The following ITGBL1 variants were observed in gnomAD, a reference collection of about 807,000 sequenced individuals.
The protein encoded by ITGBL1 is integrin beta-like protein 1.
In ITGBL1, 51 loss-of-function variants were observed where a neutral mutation model predicts 68.5. That is an observed-to-expected ratio of 0.74 (90% CI 0.59 to 0.94). The LOEUF (loss-of-function observed/expected upper bound fraction) is 0.94. ITGBL1 is among the 40% of genes least tolerant of loss of function. The pLI is 0.00. For synonymous variants in ITGBL1, 209 were observed against 227.3 expected (o/e 0.92, Z 0.72); for missense variants, 649 against 647.4 (o/e 1.00, Z -0.03).
intron 2 of ITGBL1, among the ~76,000 whole-genome samples, chr13:101,529,952 G>A (rs867659647): frequency 6.6e-6 from 1 of 152,044 alleles, no homozygotes; most frequent in South Asian, 2.1e-4. Context: ...AATAACTTGT[G>A]AGCCCACAAT....
chr13:101,459,358 C>T (rs892291721), intron 2 of ITGBL1, among the ~76,000 whole-genome samples: 1 of 152,152 alleles, frequency 6.6e-6, no homozygotes, highest in African/African-American at 2.4e-5. Flanking sequence ...ACCTTCTATT[C>T]TGTGTGACAT....
intron 9 of ITGBL1, 162 bp from the exon 10 acceptor site, chr13:101,714,276 C>T: frequency 1.6e-6 from 1 of 612,418 alleles, no homozygotes; most frequent in African/African-American, 1.8e-5. Flanking sequence ...TTATGAATTA[C>T]AGTAAGTAAA....
intron 8 of ITGBL1, among the ~76,000 whole-genome samples, chr13:101,704,075 C>T (rs879600829): frequency 1.4e-5 from 2 of 147,092 alleles, no homozygotes; most frequent in Non-Finnish European, 3.0e-5. Context: ...TAAATCTATA[C>T]TGAATAAATG....
chr13:101,607,462 T>TTATAATGTACATTATATA (rs1276505858), intron 7 of ITGBL1, among the ~76,000 whole-genome samples: 3 of 152,030 alleles, frequency 2.0e-5, no homozygotes, highest in African/African-American at 7.2e-5. Flanking sequence ...ATTATATAGT[T>TTATAATGTACATTATATA]GTAGCAAAAT....
At chr13:101,684,490 C>G (rs1329010868) in intron 7 of ITGBL1, among the ~76,000 whole-genome samples, 3 of 151,922 alleles carry the variant, frequency 2.0e-5, no homozygotes, top group Non-Finnish European at 4.4e-5. Flanking sequence ...TATTTCTTCA[C>G]ATTTAAATCT....
At chr13:101,526,740 C>T (rs1329998961) in intron 2 of ITGBL1, among the ~76,000 whole-genome samples, 1 of 144,766 alleles carries the variant, frequency 6.9e-6, no homozygotes, top group Non-Finnish European at 1.5e-5. Context: ...CACTAGTTAG[C>T]ATTTTTCTAT....
At chr13:101,682,123 A>G (rs2033657685) in intron 7 of ITGBL1, among the ~76,000 whole-genome samples, 1 of 152,144 alleles carries the variant, frequency 6.6e-6, no homozygotes, top group Admixed American at 6.6e-5. Flanking sequence ...ACAAGAGATG[A>G]CCTTTCCATT....
intron 7 of ITGBL1, among the ~76,000 whole-genome samples, chr13:101,659,234 A>G (rs1274517386): frequency 6.6e-6 from 1 of 152,028 alleles, no homozygotes; most frequent in East Asian, 1.9e-4. Context: ...CTTATTAAAC[A>G]TAGCTTTAAG....
chr13:101,479,554 A>C (rs557997547), intron 2 of ITGBL1, among the ~76,000 whole-genome samples: 3 of 152,230 alleles, frequency 2.0e-5, no homozygotes, highest in Admixed American at 1.3e-4. Flanking sequence ...TTTGCAAACT[A>C]TTCATTTGAC....
intron 7 of ITGBL1, among the ~76,000 whole-genome samples, chr13:101,623,455 T>C (rs1191674993): frequency 6.6e-6 from 1 of 152,218 alleles, no homozygotes; most frequent in Non-Finnish European, 1.5e-5. Context: ...ATTGTCATTT[T>C]GTTATGAGAT....
At chr13:101,567,976 AT>A in intron 3 of ITGBL1, 131 bp downstream of exon 3, 3 of 699,656 alleles carry the variant, frequency 4.3e-6, no homozygotes, top group Non-Finnish European at 6.9e-6. Flanking sequence ...TAGAAGTGAA[AT>A]TCAGATAAAT....
At chr13:101,490,709 G>C (rs919870110) in intron 2 of ITGBL1, among the ~76,000 whole-genome samples, 1 of 152,190 alleles carries the variant, frequency 6.6e-6, no homozygotes, top group Non-Finnish European at 1.5e-5. Flanking sequence ...TAAGTGTTTT[G>C]ACAAAATATG....
chr13:101,612,986 A>T (rs2031204553), intron 7 of ITGBL1, among the ~76,000 whole-genome samples: 2 of 152,204 alleles, frequency 1.3e-5, no homozygotes, highest in South Asian at 4.1e-4. Context: ...GATGGAAGAG[A>T]TGGCCACGTG....
At chr13:101,671,344 A>C (rs560946334) in intron 7 of ITGBL1, among the ~76,000 whole-genome samples, 3 of 152,084 alleles carry the variant, frequency 2.0e-5, no homozygotes, top group Non-Finnish European at 4.4e-5. Flanking sequence ...TCTTTACTTA[A>C]AACGTTTCAG....
At chr13:101,609,907 TA>T (rs1200365735) in intron 7 of ITGBL1, among the ~76,000 whole-genome samples, 1 of 152,136 alleles carries the variant, frequency 6.6e-6, no homozygotes, top group Non-Finnish European at 1.5e-5. Context: ...TTGATCCAAA[TA>T]AATAGACAAG....
At chr13:101,562,076 G>A (rs746253668) in intron 2 of ITGBL1, among the ~76,000 whole-genome samples, 1 of 152,040 alleles carries the variant, frequency 6.6e-6, no homozygotes, top group Non-Finnish European at 1.5e-5. Context: ...GGAATTTAAT[G>A]TTTTAACTCT....
intron 6 of ITGBL1, among the ~76,000 whole-genome samples, chr13:101,597,643 C>G (rs532747126): frequency 2.8e-4 from 43 of 152,046 alleles, no homozygotes; most frequent in African/African-American, 8.9e-4. Flanking sequence ...TGTCTGCCCC[C>G]CTGGGTTCAA....
chr13:101,562,873 G>T (rs1380554852), intron 2 of ITGBL1, among the ~76,000 whole-genome samples: 1 of 151,580 alleles, frequency 6.6e-6, no homozygotes, highest in Non-Finnish European at 1.5e-5. Context: ...AAGGAAAATT[G>T]AACAAGATAG....
At chr13:101,478,937 C>T (rs968105180) in intron 2 of ITGBL1, among the ~76,000 whole-genome samples, 1 of 152,024 alleles carries the variant, frequency 6.6e-6, no homozygotes, top group Non-Finnish European at 1.5e-5. Context: ...CAATGACATT[C>T]TTCACAAGAA....
Sources: allele counts gnomAD v4.1 joint callset (sites outside exome capture counted in the v4.1 genomes callset), GRCh38; gene constraint gnomAD v4.1.1; transcripts MANE v1.5; gene names NCBI Gene and HGNC (gene_info 2026-07-23, HGNC 2026-07-21).